Variants in CTCF observed in about 807,000 individuals in gnomAD.
CTCF encodes the protein transcriptional repressor CTCF.
Under a neutral mutation model 72.3 loss-of-function variants are expected in CTCF, and 7 were observed. The observed-to-expected ratio is 0.10, with a 90% CI of 0.06 to 0.18. The LOEUF is 0.18. Among genes scored for constraint, CTCF ranks in the 10% least tolerant of loss-of-function variants. The pLI, the probability that CTCF is intolerant of heterozygous loss-of-function variation, is 1.00. For synonymous variants in CTCF, 374 were observed against 315.8 expected (o/e 1.18, Z -1.95); for missense variants, 516 against 949.1 (o/e 0.54, Z 6.00).
At position 67,628,700 on chromosome 16, in the gene CTCF, T is replaced by G; in HGVS notation, c.1701+148T>G. 3.8e-6 allele frequency: 3 copies of G among 784,366 alleles called. No homozygotes were observed. The South Asian group carries it at 5.2e-5, about 13-fold the overall frequency. 48.6% of individuals were successfully genotyped at this position (784,366 alleles called of 1,614,324 possible). A position where few individuals can be genotyped will look rare whatever the true frequency, so the allele number is the denominator to read the frequency against. ...AGGGTTAGTCATCCCCATCTTGATG[T>G]TTCTATCCATGTGTGAACCCTTCCA... On this transcript the variant is annotated intron_variant, in intron 9 of 11. Coordinates refer to ENST00000264010, the MANE Select transcript of CTCF (RefSeq NM_006565.4).
At chr16:67,591,329 G>A (rs2051741237) in intron 2 of CTCF, among the ~76,000 whole-genome samples, 1 of 152,062 alleles carries the variant, frequency 6.6e-6, no homozygotes, top group South Asian at 2.1e-4. Flanking sequence ...GAAGTGAGAG[G>A]TACAGTTGTG....
At chr16:67,569,715 T>TAGCTCTGTCGCCC in intron 1 of CTCF, among the ~76,000 whole-genome samples, 1 of 151,822 alleles carries the variant, frequency 6.6e-6, no homozygotes, top group East Asian at 1.9e-4. Flanking sequence ...AGACGGAGTC[T>TAGCTCTGTCGCCC]AGCTCTGTCG....
intron 2 of CTCF, among the ~76,000 whole-genome samples, chr16:67,580,769 CA>C (rs2051568060): frequency 7.4e-6 from 1 of 135,598 alleles, no homozygotes; most frequent in African/African-American, 3.3e-5. Context: ...AACGCCTGGC[CA>C]AATTTTTTTT....
At chr16:67,591,721 T>TGG (rs1555532316) in intron 2 of CTCF, among the ~76,000 whole-genome samples, 1 of 150,530 alleles carries the variant, frequency 6.6e-6, no homozygotes, top group East Asian at 1.9e-4. Context: ...TTACTTTTTT[T>TGG]GGGGGGGGGC....
rs554321447 is a variant in CTCF, at chr16:67,618,984, G to A, written c.1087-1713G>A. Among the ~76,000 whole-genome samples, 61 of 152,356 alleles carry A rather than the reference G, an allele frequency of 4.0e-4. No homozygotes were observed. The South Asian group carries it at 8.7e-3, about 22-fold the overall frequency. The stretch of plus-strand genomic sequence containing the variant: ...TGTAAAACTATAGTAAATGAAGCCA[G>A]TGTGATATTGCAGTAGGAATAGATA... On this transcript the variant is annotated intron_variant, in intron 5 of 11. Coordinates refer to ENST00000264010, the MANE Select transcript of CTCF (RefSeq NM_006565.4).
Position 67,628,481 on chromosome 16 carries a change from C to T in CTCF, c.1630C>T (p.Arg544Cys), listed in dbSNP as rs112926498. Residue 544 changes from arginine to cysteine, a missense_variant, in exon 9 of 12, where the codon CGC (arginine) becomes TGC (cysteine). This residue lies in a region of CTCF where 81 missense variants were observed against 184.3 expected (regional missense o/e 0.44). Transcript: ENST00000264010. ...QKQLLDMHFK[R>C]YHDPNFVPAA... ...GCAGCTTCTCGACATGCACTTCAAG[C>T]GCTATCACGACCCCAACTTCGTCCC... 1 of 1,614,200 alleles carries T rather than the reference C, an allele frequency of 6.2e-7. No individual in the cohort carries two copies. The highest frequency in any genetic ancestry group is 8.5e-7 in the Non-Finnish European group (1 of 1,180,040).
chr16:67,618,034 T>C (rs1207473384), intron 5 of CTCF, among the ~76,000 whole-genome samples: 1 of 152,224 alleles, frequency 6.6e-6, no homozygotes. Context: ...GTAGATGGGA[T>C]GGGAGCTAAA....
chr16:67,631,909 A>G (rs897955372), intron 10 of CTCF, among the ~76,000 whole-genome samples: 1 of 151,472 alleles, frequency 6.6e-6, no homozygotes, highest in Non-Finnish European at 1.5e-5. Flanking sequence ...CCTGTTATCT[A>G]CAAAAAAATA....
rs2051289781 is a variant in CTCF at position 67,562,666 on chromosome 16, G to C, written c.-185G>C. ...ACGCGCGGAGCTCGCCGGAGACGCC[G>C]GGTGGCCGGAGCCGTGGAGCGGCGG... On this transcript the variant is annotated 5_prime_UTR_variant, in exon 1 of 12. Transcript: ENST00000264010. The C allele has an allele frequency of 6.6e-6, 1 of 152,600 alleles. No homozygotes were observed. The highest frequency in any genetic ancestry group is 1.5e-5 in the Non-Finnish European group (1 of 68,458). 9.5% of individuals were successfully genotyped at this position (152,600 alleles called of 1,614,324 possible).
At chr16:67,609,006 G>A (rs777092696) in intron 2 of CTCF, among the ~76,000 whole-genome samples, 1 of 152,130 alleles carries the variant, frequency 6.6e-6, no homozygotes, top group East Asian at 1.9e-4. Context: ...CTCCCAAAGT[G>A]CTGGGATTAT....
At chr16:67,613,058 T>C (rs753717252) in intron 4 of CTCF, among the ~76,000 whole-genome samples, 2 of 152,260 alleles carry the variant, frequency 1.3e-5, no homozygotes, top group African/African-American at 2.4e-5. Context: ...TTGAGCATCC[T>C]ACTTACTTTA....
chr16:67,566,861 G>A (rs923569665), intron 1 of CTCF, among the ~76,000 whole-genome samples: 2 of 151,806 alleles, frequency 1.3e-5, no homozygotes, highest in South Asian at 4.2e-4. Context: ...GTGAGCCACC[G>A]TGCCCGGCCT....
chr16:67,573,196 G>T (rs1351354490), intron 2 of CTCF, among the ~76,000 whole-genome samples: 2 of 151,612 alleles, frequency 1.3e-5, no homozygotes, highest in Admixed American at 1.3e-4. Flanking sequence ...AGGTTGCAAT[G>T]AGTTGAAATC....
At chr16:67,625,770 C>G (rs147868487) in intron 7 of CTCF, among the ~76,000 whole-genome samples, 1 of 152,054 alleles carries the variant, frequency 6.6e-6, no homozygotes, top group Admixed American at 6.6e-5. Context: ...TTCAGCATGT[C>G]TAAAACTGAA....
intron 2 of CTCF, among the ~76,000 whole-genome samples, chr16:67,584,334 C>CGTCTTTT (rs1567596519): frequency 4.9e-5 from 6 of 121,928 alleles, no homozygotes; most frequent in African/African-American, 2.2e-4. Flanking sequence ...AAAAAAAAGT[C>CGTCTTTT]TTCTTTTTTT....
chr16:67,598,189 C>G (rs946641620), intron 2 of CTCF, among the ~76,000 whole-genome samples: 2 of 152,166 alleles, frequency 1.3e-5, no homozygotes, highest in East Asian at 1.9e-4. Context: ...GTTGCCCAGG[C>G]CTGGTCTCAG....
chr16:67,603,278 C>A (rs1201941844), intron 2 of CTCF, among the ~76,000 whole-genome samples: 1 of 152,100 alleles, frequency 6.6e-6, no homozygotes, highest in East Asian at 1.9e-4. Context: ...CACCTGTAAT[C>A]CCAGCACTTT....
intron 2 of CTCF, among the ~76,000 whole-genome samples, chr16:67,581,328 C>CTT (rs35180089): frequency 6.4e-5 from 9 of 139,906 alleles, no homozygotes; most frequent in African/African-American, 2.1e-4. Context: ...TGATCTTTTT[C>CTT]TTTTTTTTTT....
intron 2 of CTCF, among the ~76,000 whole-genome samples, chr16:67,587,177 G>A (rs1219726398): frequency 6.8e-6 from 1 of 146,286 alleles, no homozygotes; most frequent in African/African-American, 2.5e-5. Flanking sequence ...GCTTGCTGCA[G>A]CCTCAAAATT....
Sources: allele counts gnomAD v4.1 joint callset (sites outside exome capture counted in the v4.1 genomes callset), GRCh38; gene constraint gnomAD v4.1.1; regional missense constraint gnomAD v4.1.1; transcripts MANE v1.5; gene names NCBI Gene and HGNC (gene_info 2026-07-23, HGNC 2026-07-21).